The following SEC23A variants were observed in gnomAD, a reference collection of about 807,000 sequenced individuals.
SEC23A encodes the protein SEC23 homolog A, COPII component, also known as protein transport protein Sec23A.
In SEC23A, 56 loss-of-function variants were observed where a neutral mutation model predicts 103.7. The observed-to-expected ratio is 0.54, with a 90% CI of 0.44 to 0.67. SEC23A has a LOEUF of 0.67. Among genes scored for constraint, SEC23A ranks in the 30% least tolerant of loss-of-function variants. SEC23A has a pLI of 0.00. For missense variants in SEC23A, 784 were observed against 936.4 expected (o/e 0.84, Z 2.12); for synonymous variants, 281 against 293.0 (o/e 0.96, Z 0.42).
intron 14 of SEC23A, among the ~76,000 whole-genome samples, chr14:39,050,861 C>T (rs1886033016): frequency 6.6e-6 from 1 of 152,092 alleles, no homozygotes. Flanking sequence ...GTTGGATGCA[C>T]AATGGATCCG....
intron 5 of SEC23A, chr14:39,087,724 C>A (rs1010935052): frequency 1.3e-5 from 2 of 152,176 alleles, no homozygotes; most frequent in African/African-American, 4.8e-5. Flanking sequence ...AAACTGAAGT[C>A]TAAAGATGTA....
chr14:39,089,692 C>T (rs1887590481), intron 5 of SEC23A, among the ~76,000 whole-genome samples: 3 of 152,194 alleles, frequency 2.0e-5, no homozygotes. Flanking sequence ...CACGGTGGCT[C>T]ACTCCTGTAG....
At chr14:39,047,148 C>CA (rs1365382353) in intron 15 of SEC23A, among the ~76,000 whole-genome samples, 1 of 152,012 alleles carries the variant, frequency 6.6e-6, no homozygotes, top group East Asian at 1.9e-4. Context: ...AAACCCAAGA[C>CA]AAAAAGTATT....
chr14:39,068,893 T>G (rs566654020), intron 9 of SEC23A, among the ~76,000 whole-genome samples: 8 of 152,314 alleles, frequency 5.3e-5, no homozygotes, highest in African/African-American at 1.7e-4. Flanking sequence ...AGAAATTGTA[T>G]CCTTTTAAAT....
In SEC23A at chr14:39,056,303, C is replaced by G. The variant is rs1886245894; in HGVS notation, c.1506-1007G>C. 2.0e-5 allele frequency among the ~76,000 whole-genome samples: 3 copies of G among 152,114 alleles called. No individual in the cohort carries two copies. In the South Asian group the frequency reaches 6.2e-4, roughly 32 times the overall value. On this transcript the variant is annotated intron_variant, in intron 13 of 19. Transcript: ENST00000307712. ...ACTAGTCTCTCCAGTCTCCTGATTC[C>G]CACAACATTAGTAGAGAGGGGGTTT...
chr14:39,048,783 T>C, intron 14 of SEC23A, 54 bp from the exon 15 acceptor site: 1 of 928,296 alleles, frequency 1.1e-6, no homozygotes, highest in Non-Finnish European at 1.7e-6. Context: ...AAGCTAACAC[T>C]GTTGCCTATA....
At chr14:39,066,110 T>C (rs1350913655) in intron 10 of SEC23A, among the ~76,000 whole-genome samples, 2 of 151,596 alleles carry the variant, frequency 1.3e-5, no homozygotes, top group African/African-American at 4.9e-5. Flanking sequence ...TAAACCTTTA[T>C]AGTGTTTTTA....
intron 12 of SEC23A, among the ~76,000 whole-genome samples, chr14:39,063,104 G>A (rs954879671): frequency 6.6e-6 from 1 of 152,140 alleles, no homozygotes; most frequent in African/African-American, 2.4e-5. Context: ...CCCAAGGTTT[G>A]GCGTTTGTAG....
intron 5 of SEC23A, among the ~76,000 whole-genome samples, chr14:39,089,446 T>C (rs1037338546): frequency 3.9e-5 from 6 of 152,164 alleles, no homozygotes; most frequent in African/African-American, 1.4e-4. Context: ...CATGGAAACA[T>C]GATTCTCCTC....
intron 1 of SEC23A, among the ~76,000 whole-genome samples, chr14:39,099,551 T>A (rs1231860312): frequency 1.3e-5 from 2 of 152,200 alleles, no homozygotes; most frequent in African/African-American, 4.8e-5. Context: ...TTGGTATTAA[T>A]GTAATTTGTT....
intron 9 of SEC23A, among the ~76,000 whole-genome samples, chr14:39,071,945 T>G (rs1186927535): frequency 6.6e-6 from 1 of 151,728 alleles, no homozygotes. Flanking sequence ...ATCAAGAATG[T>G]GAGGGAGGCC....
chr14:39,065,727 G>A lies in SEC23A; in HGVS notation c.1228-734C>T, dbSNP rs139522574. 4.6e-3 allele frequency among the ~76,000 whole-genome samples: 697 copies of A among 152,132 alleles called. 8 individuals are homozygous for A. Among genetic ancestry groups the A allele is most frequent in the African/African-American group, 0.016 (671 of 41,504 alleles). Reference sequence around the variant, plus strand: ...TAAGAAAACAACTGTGGCCAGGCGCGGTAGCTCACGCCTGTAATCCCAACA... The same window carrying A: ...TAAGAAAACAACTGTGGCCAGGCGCAGTAGCTCACGCCTGTAATCCCAACA... On this transcript the variant is annotated intron_variant, in intron 10 of 19. Coordinates refer to ENST00000307712, the MANE Select transcript of SEC23A (RefSeq NM_006364.4).
chr14:39,037,718 T>C (rs1426714171), intron 19 of SEC23A, among the ~76,000 whole-genome samples: 1 of 152,194 alleles, frequency 6.6e-6, no homozygotes, highest in African/African-American at 2.4e-5. Flanking sequence ...TCTCACAAAT[T>C]ATCCCAATTA....
rs556301140 is a variant in SEC23A, at chr14:39,094,621, T to C, written c.221+1277A>G. On this transcript the variant is annotated intron_variant, in intron 2 of 19. Coordinates refer to ENST00000307712, the MANE Select transcript of SEC23A (RefSeq NM_006364.4). Reference sequence around the variant, plus strand: ...AAGAAAACAAAGCAGAATGTGAGAATGTGTTTAAGAGGGCTGCTTTAAAAA... The same window carrying C: ...AAGAAAACAAAGCAGAATGTGAGAACGTGTTTAAGAGGGCTGCTTTAAAAA... 2.0e-5 allele frequency among the ~76,000 whole-genome samples: 3 copies of C among 151,812 alleles called. No individual in the cohort carries two copies. The South Asian group carries it at 6.2e-4, about 32-fold the overall frequency.
At chr14:39,086,174 T>C (rs1462255530) in intron 6 of SEC23A, among the ~76,000 whole-genome samples, 2 of 152,120 alleles carry the variant, frequency 1.3e-5, no homozygotes, top group African/African-American at 2.4e-5. Flanking sequence ...CACGTGATGA[T>C]AACAGCCCCA....
At chr14:39,051,761 G>A (rs775111865) in intron 14 of SEC23A, among the ~76,000 whole-genome samples, 8 of 151,958 alleles carry the variant, frequency 5.3e-5, no homozygotes, top group Non-Finnish European at 8.8e-5. Context: ...CCAGGAGTTC[G>A]AGACCAGCCT....
chr14:39,092,520 T>C (rs759927154), intron 4 of SEC23A, 21 bp downstream of exon 4: 3 of 1,415,468 alleles, frequency 2.1e-6, no homozygotes, highest in Middle Eastern at 1.9e-4. Flanking sequence ...CTTTCTTAAA[T>C]ATTTGTTCTT....
chr14:39,069,661 T>C (rs951677349), intron 9 of SEC23A, among the ~76,000 whole-genome samples: 4 of 152,022 alleles, frequency 2.6e-5, no homozygotes, highest in African/African-American at 9.7e-5. Context: ...GGTTTCACCA[T>C]GTTGCCCAGA....
intron 7 of SEC23A, among the ~76,000 whole-genome samples, chr14:39,081,008 C>A (rs1203957412): frequency 6.6e-6 from 1 of 151,952 alleles, no homozygotes; most frequent in Non-Finnish European, 1.5e-5. Context: ...AGTTTGAGAC[C>A]TGTCTGGGCA....
Sources: allele counts gnomAD v4.1 joint callset (sites outside exome capture counted in the v4.1 genomes callset), GRCh38; gene constraint gnomAD v4.1.1; transcripts MANE v1.5; gene names NCBI Gene and HGNC (gene_info 2026-07-23, HGNC 2026-07-21).